Variants in KLK1 observed in about 807,000 individuals in gnomAD.
KLK1 encodes kallikrein-1.
A neutral mutation model predicts 23.3 loss-of-function variants in KLK1; 22 were observed. That is an observed-to-expected ratio of 0.95 (90% CI 0.68 to 1.35). The LOEUF is 1.35. Ranked by LOEUF, KLK1 falls within the 40% of genes most tolerant of loss-of-function variation. The pLI is 0.00. For synonymous variants in KLK1, 140 were observed against 135.8 expected, an observed-to-expected ratio of 1.03 and a Z score of -0.21; for missense variants, 301 against 338.9, an observed-to-expected ratio of 0.89 and a Z score of 0.88.
chr19:50,821,732 T>C lies in KLK1; in HGVS notation c.186A>G (p.Thr62=). ...CTCACTCGCTGATGCAATGAGCAGC[T>C]GTGAGCACCCACTGGCGGTGCACCA... ...GILVHRQWVL[T]AAHCISDNYQ... Residue 62 remains threonine (T), a synonymous_variant, in exon 2 of 5, where the codon ACA becomes ACG. Transcript: ENST00000301420. The surrounding 1 kb of genome is among the most constrained non-coding windows in gnomAD (Gnocchi z 5.6). 6.2e-7 allele frequency: 1 copy of C among 1,613,192 alleles called. No homozygotes were observed. Among genetic ancestry groups the C allele is most frequent in the Non-Finnish European group, 8.5e-7 (1 of 1,179,506 alleles).
chr19:50,821,848 G>T lies in KLK1; in HGVS notation c.70C>A (p.Arg24=). 1.2e-6 allele frequency: 2 copies of T among 1,611,984 alleles called. No homozygotes were observed. Among genetic ancestry groups the T allele is most frequent in the Non-Finnish European group, 1.7e-6 (2 of 1,178,830 alleles). The change falls in exon 2 of 5, where the codon CGG becomes AGG. Residue 24 remains arginine, a synonymous_variant. Coordinates refer to ENST00000301420, the MANE Select transcript of KLK1 (RefSeq NM_002257.4). This position sits in a 1 kb window ranked among gnomAD's most constrained non-coding sequence, Gnocchi z 5.6. ...GTGAAPPIQS[R]IVGGWECEQH... ...TCACACTCCCAGCCTCCCACAATCC[G>T]GGACTGAATCGGGGGCGCAGCACCT...
Position 50,821,139 on chromosome 19 carries a change from G to T in KLK1, c.206+573C>A, listed in dbSNP as rs2089826126. On this transcript the variant is annotated intron_variant, in intron 2 of 4. Transcript: ENST00000301420. The surrounding 1 kb of genome is among the most constrained non-coding windows in gnomAD (Gnocchi z 5.6). ...CCTCCTCCTTCCTCCTCCCTCAGTTGCCCCACCCAGCTCCCGCTGAAACCA... is the reference window on the plus strand; with the variant it reads ...CCTCCTCCTTCCTCCTCCCTCAGTTTCCCCACCCAGCTCCCGCTGAAACCA... 6.6e-6 allele frequency among the ~76,000 whole-genome samples: 1 copy of T among 152,164 alleles called. No homozygotes were observed. Among genetic ancestry groups the T allele is most frequent in the African/African-American group, 2.4e-5 (1 of 41,450 alleles).
At chr19:50,822,121 A>C (rs1244225920) in intron 1 of KLK1, 3 of 1,189,540 alleles carry the variant, frequency 2.5e-6, no homozygotes, top group African/African-American at 1.6e-5. Context: ...TCCAGGGATC[A>C]GGGTAGGAGA....
rs2089831466 is a variant in KLK1, at chr19:50,821,994, G to A, written c.47-123C>T. On this transcript the variant is annotated intron_variant, in intron 1 of 4. Coordinates refer to ENST00000301420, the MANE Select transcript of KLK1 (RefSeq NM_002257.4). This position sits in a 1 kb window ranked among gnomAD's most constrained non-coding sequence, Gnocchi z 5.6. ...TGCGGGTAGAGGACCAGGGCTGGAG[G>A]TTGGGGACATGGGCAAGGGGTGTTG... The A allele has an allele frequency of 2.1e-6, 3 of 1,449,918 alleles. No homozygotes were observed. Among genetic ancestry groups the A allele is most frequent in the Non-Finnish European group, 2.7e-6 (3 of 1,103,096 alleles). 89.8% of individuals were successfully genotyped at this position (1,449,918 alleles called of 1,614,324 possible).
At chr19:50,819,398 A>C in intron 4 of KLK1, 49 bp from the exon 5 acceptor site, 3 of 1,549,674 alleles carry the variant, frequency 1.9e-6, no homozygotes, top group Non-Finnish European at 2.6e-6. Context: ...TACGGGGCCC[A>C]AGTTCTGCCT....
At chr19:50,822,441 C>T (rs933260911) in intron 1 of KLK1, 1 of 985,388 alleles carries the variant, frequency 1.0e-6, no homozygotes, top group Non-Finnish European at 1.2e-6. Flanking sequence ...GACTTGGGGT[C>T]CCTACATTGG....
chr19:50,820,199 T>C lies in KLK1; in HGVS notation c.451A>G (p.Ser151Gly), dbSNP rs1319686829. The C allele has an allele frequency of 2.5e-6, 4 of 1,610,202 alleles. No homozygotes were observed. In the South Asian group the frequency reaches 4.4e-5, roughly 18 times the overall value. ...CCCCAGCCGGAAGCCAAACAGGTGC[T>C]CCCCACTTCGGGTTCCTCGGTGGGC... ...ELPTEEPEVG[S>G]TCLASGWGSI... Residue 151 changes from serine to glycine, a missense_variant, in exon 3 of 5, where the codon AGC becomes GGC. By Grantham distance (56) the Ser-to-Gly change is moderately conservative (BLOSUM62 0). Coordinates refer to ENST00000301420, the MANE Select transcript of KLK1 (RefSeq NM_002257.4).
At position 50,819,243 on chromosome 19, in the gene KLK1, A is replaced by C. The variant is rs771964085; in HGVS notation, c.740T>G (p.Val247Gly). The C allele has an allele frequency of 4.5e-5, 73 of 1,614,108 alleles. No homozygotes were observed. Among genetic ancestry groups the C allele is most frequent in the Non-Finnish European group, 6.2e-5 (73 of 1,179,994 alleles). The change falls in exon 5 of 5, where the codon GTG becomes GGG. Residue 247 changes from valine (V) to glycine (G), a missense_variant. Val to Gly is a moderately radical substitution (Grantham distance 109, BLOSUM62 -3). Coordinates refer to ENST00000301420, the MANE Select transcript of KLK1 (RefSeq NM_002257.4). ...TPNKPSVAVR[V>G]LSYVKWIEDT... is the part of the protein sequence containing the mutation. ...CTCGATCCACTTCACATAAGACAGC[A>C]CTCTGACGGCGACAGAAGGCTTATT...
rs2089815715 is a variant in KLK1, at chr19:50,820,210, G to A, written c.440C>T (p.Pro147Leu). The change falls in exon 3 of 5, where the codon CCC becomes CTC. Residue 147 changes from proline to leucine, a missense_variant. Physicochemically the swap from Pro to Leu is moderately conservative, Grantham distance 98. Coordinates refer to ENST00000301420, the MANE Select transcript of KLK1 (RefSeq NM_002257.4). Reference sequence around the variant, plus strand: ...AGCCAAACAGGTGCTCCCCACTTCGGGTTCCTCGGTGGGCAACTCCACGAC... The same window carrying A: ...AGCCAAACAGGTGCTCCCCACTTCGAGTTCCTCGGTGGGCAACTCCACGAC... ...VKVVELPTEE[P>L]EVGSTCLASG... The A allele has an allele frequency of 1.2e-6, 2 of 1,611,924 alleles. No homozygotes were observed. The highest frequency in any genetic ancestry group is 1.7e-5 in the Admixed American group (1 of 59,948).
At position 50,819,181 on chromosome 19, in the gene KLK1, C is replaced by CA; in HGVS notation, c.*12dup. ...ATTTGATTTTACTGGGGGTAGGGGA[C>CA]AGGGCTGGGCGTTCAGGAGTTCTCC... On this transcript the variant is annotated 3_prime_UTR_variant, in exon 5 of 5. Transcript: ENST00000301420. 1 of 1,603,878 alleles carries CA rather than the reference C, an allele frequency of 6.2e-7. No homozygotes were observed. Among genetic ancestry groups the CA allele is most frequent in the Non-Finnish European group, 8.5e-7 (1 of 1,172,818 alleles).
intron 1 of KLK1, chr19:50,822,811 G>A (rs1046450836): frequency 7.3e-5 from 71 of 978,316 alleles, no homozygotes; most frequent in African/African-American, 1.8e-4. Flanking sequence ...GAGAACAGGC[G>A]CCAAGCAGCT....
chr19:50,820,054 A>G lies in KLK1; in HGVS notation c.497-19T>C, dbSNP rs2089813276. 6.2e-7 allele frequency: 1 copy of G among 1,613,854 alleles called. No individual in the cohort carries two copies. The highest frequency in any genetic ancestry group is 8.5e-7 in the Non-Finnish European group (1 of 1,179,868). ...AATGAGACTACGAACCCGGGAGAAAAAGGGCTGCAGCCCGACCTCACCTGC... is the reference window on the plus strand; with the variant it reads ...AATGAGACTACGAACCCGGGAGAAAGAGGGCTGCAGCCCGACCTCACCTGC... On this transcript the variant is annotated intron_variant, in intron 3 of 4. Coordinates refer to ENST00000301420, the MANE Select transcript of KLK1 (RefSeq NM_002257.4).
Position 50,819,296 on chromosome 19 carries a change from T to C in KLK1, c.687A>G (p.Ser229=). Residue 229 remains serine, a synonymous_variant, in exon 5 of 5, where the codon TCA becomes TCG. Transcript: ENST00000301420. ...MCDGVLQGVT[S]WGYVPCGTPN... is the part of the protein sequence containing the mutation. ...GGGTGCCACAAGGGACGTAGCCCCATGATGTGACACCTTGGAGCACACCAT... is the reference window on the plus strand; with the variant it reads ...GGGTGCCACAAGGGACGTAGCCCCACGATGTGACACCTTGGAGCACACCAT... The C allele has an allele frequency of 1.2e-6, 2 of 1,614,112 alleles. No homozygotes were observed. The highest frequency in any genetic ancestry group is 1.7e-6 in the Non-Finnish European group (2 of 1,179,982).
Position 50,821,453 on chromosome 19 carries a change from A to C in KLK1, c.206+259T>G, listed in dbSNP as rs1481845829. On this transcript the variant is annotated intron_variant, in intron 2 of 4. Transcript: ENST00000301420. The surrounding 1 kb of genome is among the most constrained non-coding windows in gnomAD (Gnocchi z 5.6). Reference sequence around the variant, plus strand: ...AGACAGGGGAGATGCAGAGACAAGGAGACAGAGGAGAGAGAGGAAGACAGA... The same window carrying C: ...AGACAGGGGAGATGCAGAGACAAGGCGACAGAGGAGAGAGAGGAAGACAGA... Among the ~76,000 whole-genome samples, 1 of 152,034 alleles carries C rather than the reference A, an allele frequency of 6.6e-6. No homozygotes were observed.
rs1030685076 is a variant in KLK1, at chr19:50,820,020, T to A, written c.512A>T (p.Asp171Val). The A allele has an allele frequency of 6.2e-7, 1 of 1,614,086 alleles. No individual in the cohort carries two copies. Residue 171 changes from aspartate (D) to valine (V), a missense_variant, in exon 4 of 5, where the codon GAT (aspartate) becomes GTT (valine). Coordinates refer to ENST00000301420, the MANE Select transcript of KLK1 (RefSeq NM_002257.4). ...IEPENFSFPD[D>V]LQCVDLKILP... The stretch of plus-strand genomic sequence containing the variant: ...GATTTTGAGGTCCACACACTGGAGA[T>A]CATCTGGAAATGAGACTACGAACCC...
chr19:50,822,884 A>T, intron 1 of KLK1: 4 of 984,854 alleles, frequency 4.1e-6, no homozygotes, highest in Non-Finnish European at 3.6e-6. Context: ...GACTTGGGGG[A>T]GGCCAGGGCA....
At position 50,821,165 on chromosome 19, in the gene KLK1, GC is replaced by G. The variant is rs957494199; in HGVS notation, c.206+546del. On this transcript the variant is annotated intron_variant, in intron 2 of 4. Coordinates refer to ENST00000301420, the MANE Select transcript of KLK1 (RefSeq NM_002257.4). This position sits in a 1 kb window ranked among gnomAD's most constrained non-coding sequence, Gnocchi z 5.6. The stretch of plus-strand genomic sequence containing the variant: ...CCCCACCCAGCTCCCGCTGAAACCA[GC>G]CCTTCCCTGTGTCTCTCCAGAGTGG... 6.6e-6 allele frequency among the ~76,000 whole-genome samples: 1 copy of G among 152,166 alleles called. No individual in the cohort carries two copies. The highest frequency in any genetic ancestry group is 2.4e-5 in the African/African-American group (1 of 41,454).
At position 50,819,286 on chromosome 19, in the gene KLK1, C is replaced by T. The variant is rs753208174; in HGVS notation, c.697G>A (p.Val233Ile). The change falls in exon 5 of 5, where the codon GTC (valine) becomes ATC (isoleucine). Residue 233 changes from valine (V) to isoleucine (I), a missense_variant. Transcript: ENST00000301420. ...VLQGVTSWGY[V>I]PCGTPNKPSV... ...GGCTTATTGGGGGTGCCACAAGGGA[C>T]GTAGCCCCATGATGTGACACCTTGG... 1.2e-5 allele frequency: 20 copies of T among 1,613,980 alleles called. No individual in the cohort carries two copies. The East Asian group carries it at 2.2e-4, about 18-fold the overall frequency.
chr19:50,822,797 T>C (rs2089835993), intron 1 of KLK1: 2 of 982,224 alleles, frequency 2.0e-6, no homozygotes, highest in African/African-American at 1.8e-5. Context: ...ATTGGAGAAG[T>C]GGTGAGAACA....
Sources: gnomAD v4.1 joint callset for allele counts (sites outside exome capture counted in the v4.1 genomes callset) on GRCh38, gnomAD v4.1.1 for gene constraint, Gnocchi (gnomAD v3.1) non-coding constraint, MANE v1.5 for transcripts, NCBI Gene and HGNC (gene_info 2026-07-23, HGNC 2026-07-21) for gene names.